Variants in PLA2G7 observed in about 807,000 individuals in gnomAD.
The protein encoded by PLA2G7 is platelet-activating factor acetylhydrolase.
In PLA2G7, 63 loss-of-function variants were observed where a neutral mutation model predicts 49.6. The observed-to-expected ratio is 1.27, with a 90% CI of 1.04 to 1.57. The LOEUF is 1.57. Ranked by LOEUF, PLA2G7 falls within the 40% of genes most tolerant of loss-of-function variation. PLA2G7 has a pLI of 0.00. For synonymous variants in PLA2G7, 193 were observed against 169.9 expected (o/e 1.14, Z -1.06); for missense variants, 596 against 521.2 (o/e 1.14, Z -1.40).
Position 46,704,474 on chromosome 6 carries a change from TCTCTCACA to T in PLA2G7, c.*78_*85del, listed in dbSNP as rs1420571755. On this transcript the variant is annotated 3_prime_UTR_variant, in exon 12 of 12. Transcript: ENST00000274793. ...CTCTCTCTCTCTCTCTCTCTCTCTC[TCTCTCACA>T]CACACACACACACACACACACACAC... 208 of 61,202 alleles carry T rather than the reference TCTCTCACA, an allele frequency of 3.4e-3. No homozygotes were observed. The East Asian group carries it at 0.053, about 15-fold the overall frequency. 3.8% of individuals were successfully genotyped at this position (61,202 alleles called of 1,614,324 possible). A position where few individuals can be genotyped will look rare whatever the true frequency, so the allele number is the denominator to read the frequency against.
chr6:46,711,522 C>A lies in PLA2G7; in HGVS notation c.637G>T (p.Glu213Ter), dbSNP rs1268429061. Residue 213 changes from glutamate (E) to a stop codon, truncating the protein, a stop_gained, in exon 7 of 12, where the codon GAG (glutamate) becomes TAG (stop). Coordinates refer to ENST00000274793, the MANE Select transcript of PLA2G7 (RefSeq NM_005084.4). LOFTEE classifies it high-confidence loss of function. The part of the protein sequence containing the change: ...WLYLRTLKQE[E>*]ETHIRNEQVR... Reference sequence around the variant, plus strand: ...TGCTCATTTCGTATATGTGTCTCCTCCTCTTGTTTCAGGGTTCTAAGGTAG... The same window carrying A: ...TGCTCATTTCGTATATGTGTCTCCTACTCTTGTTTCAGGGTTCTAAGGTAG... The A allele has an allele frequency of 1.2e-6, 2 of 1,613,790 alleles. No individual in the cohort carries two copies. The highest frequency in any genetic ancestry group is 1.7e-6 in the Non-Finnish European group (2 of 1,179,720).
In PLA2G7 at chr6:46,709,414, G is replaced by A. The variant is rs765151625; in HGVS notation, c.782C>T (p.Ser261Phe). 13 of 1,564,782 alleles carry A rather than the reference G, an allele frequency of 8.3e-6. No homozygotes were observed. The highest frequency in any genetic ancestry group is 9.7e-6 in the Non-Finnish European group (11 of 1,135,778). The change falls in exon 9 of 12, where the codon TCT becomes TTT. Residue 261 changes from serine to phenylalanine, a missense_variant. Transcript: ENST00000274793. ...LKFDMEQLKD[S>F]IDREKIAVIG... ...TACTGCTATTTTTTCCCTATCAATA[G>A]AGTCCTATTTGAAAAAGCATGATAT...
chr6:46,710,120 T>A (rs568448754), intron 8 of PLA2G7, among the ~76,000 whole-genome samples: 1 of 152,256 alleles, frequency 6.6e-6, no homozygotes, highest in East Asian at 1.9e-4. Flanking sequence ...TAGTTCCCCC[T>A]AATCCCTGCA....
intron 10 of PLA2G7, among the ~76,000 whole-genome samples, chr6:46,705,890 G>A (rs1483893970): frequency 6.6e-6 from 1 of 152,094 alleles, no homozygotes; most frequent in Non-Finnish European, 1.5e-5. Flanking sequence ...TGGGACATTT[G>A]ACACTTGATG....
rs1278665800 is a variant in PLA2G7 at position 46,708,947 on chromosome 6, G to A, written c.869+380C>T. Among the ~76,000 whole-genome samples, 7 of 151,992 alleles carry A rather than the reference G, an allele frequency of 4.6e-5. No homozygotes were observed. The East Asian group carries it at 1.4e-3, about 29-fold the overall frequency. On this transcript the variant is annotated intron_variant, in intron 9 of 11. Transcript: ENST00000274793. ...TCCAGCTCCATCTTAAAGGTGGAAGGGGGAAAAACCTAATTAAAAAATGTC... is the reference window on the plus strand; with the variant it reads ...TCCAGCTCCATCTTAAAGGTGGAAGAGGGAAAAACCTAATTAAAAAATGTC...
intron 8 of PLA2G7, among the ~76,000 whole-genome samples, chr6:46,709,862 G>T (rs190940389): frequency 6.6e-6 from 1 of 152,196 alleles, no homozygotes. Flanking sequence ...ACAGTACAGT[G>T]GTACAAAGGA....
chr6:46,709,896 C>T (rs572345055), intron 8 of PLA2G7, among the ~76,000 whole-genome samples: 17 of 152,210 alleles, frequency 1.1e-4, no homozygotes, highest in African/African-American at 4.1e-4. Flanking sequence ...ACAGCGAGCC[C>T]AGTCCAGAAG....
At chr6:46,729,611 A>G (rs1354444865) in intron 1 of PLA2G7, among the ~76,000 whole-genome samples, 1 of 152,196 alleles carries the variant, frequency 6.6e-6, no homozygotes, top group Non-Finnish European at 1.5e-5. Context: ...CAAGGATAGG[A>G]AGTAGCTAAA....
chr6:46,715,839 A>G (rs1222900265), intron 4 of PLA2G7, among the ~76,000 whole-genome samples: 1 of 152,212 alleles, frequency 6.6e-6, no homozygotes, highest in Non-Finnish European at 1.5e-5. Flanking sequence ...TCAAACAGAT[A>G]AGGAAGGAAA....
intron 1 of PLA2G7, among the ~76,000 whole-genome samples, chr6:46,727,388 T>C (rs1765607599): frequency 6.6e-6 from 1 of 152,196 alleles, no homozygotes; most frequent in Admixed American, 6.5e-5. Flanking sequence ...TGGCAAGAGA[T>C]TAGGGCAGGT....
chr6:46,720,535 G>A (rs1346847120), intron 2 of PLA2G7, among the ~76,000 whole-genome samples: 2 of 152,178 alleles, frequency 1.3e-5, no homozygotes, highest in Non-Finnish European at 2.9e-5. Flanking sequence ...CCTGGGGGTG[G>A]CTGTGGAACA....
intron 9 of PLA2G7, among the ~76,000 whole-genome samples, chr6:46,708,881 G>T (rs144877464): frequency 1.7e-3 from 264 of 152,076 alleles, no homozygotes; most frequent in African/African-American, 6.1e-3. Context: ...AGAAAACTGG[G>T]GTCTTGTCCC....
At position 46,705,176 on chromosome 6, in the gene PLA2G7, A is replaced by G. The variant is rs34159425; in HGVS notation, c.1166T>C (p.Leu389Ser). Reference sequence around the variant, plus strand: ...ACCTAAATGCTTTTGTAAGAATGCTAATGAAGCTTTGTTGCTAAGATCAAT... The same window carrying G: ...ACCTAAATGCTTTTGTAAGAATGCTGATGAAGCTTTGTTGCTAAGATCAAT... ...VAIDLSNKAS[L>S]AFLQKHLGLH... The change falls in exon 11 of 12, where the codon TTA becomes TCA. Residue 389 changes from leucine (L) to serine (S), a missense_variant. Leu to Ser is a moderately radical substitution (Grantham distance 145). Transcript: ENST00000274793. The G allele has an allele frequency of 6.7e-4, 1,081 of 1,609,212 alleles. 7 individuals carry two copies. In the African/African-American group the frequency reaches 0.013, roughly 19 times the overall value.
intron 1 of PLA2G7, among the ~76,000 whole-genome samples, chr6:46,731,252 A>G (rs549064451): frequency 6.6e-6 from 1 of 152,348 alleles, no homozygotes; most frequent in South Asian, 2.1e-4. Context: ...GTGATAAACG[A>G]GAGAAAATTC....
chr6:46,734,439 AGAGAGAGAGAG>A (rs1765838190), intron 1 of PLA2G7, among the ~76,000 whole-genome samples: 1 of 36,182 alleles, frequency 2.8e-5, no homozygotes, highest in East Asian at 5.4e-4. Context: ...AGAGAGAGAG[AGAGAGAGAGAG>A]AGAGAGAGAG....
intron 1 of PLA2G7, among the ~76,000 whole-genome samples, chr6:46,734,136 G>A (rs1002805650): frequency 6.6e-6 from 1 of 152,068 alleles, no homozygotes; most frequent in East Asian, 1.9e-4. Context: ...AGTGTTCTCT[G>A]TTTTCTGATT....
chr6:46,731,122 T>G (rs1054063915), intron 1 of PLA2G7, among the ~76,000 whole-genome samples: 1 of 152,164 alleles, frequency 6.6e-6, no homozygotes, highest in Admixed American at 6.5e-5. Flanking sequence ...CACATCAGAG[T>G]GAGTCAGGAA....
In PLA2G7 at chr6:46,714,443, A is replaced by G. The variant is rs202108607; in HGVS notation, c.470+17T>C. ...TTATTCCTGGAAGCCAAAATTGTTC[A>G]ACCTCTCAAACATTACCTGAATGCC... On this transcript the variant is annotated intron_variant, in intron 5 of 11. Transcript: ENST00000274793. The G allele has an allele frequency of 1.1e-5, 17 of 1,520,286 alleles. No individual in the cohort carries two copies. The highest frequency in any genetic ancestry group is 1.5e-5 in the Non-Finnish European group (16 of 1,094,552). 94.2% of individuals were successfully genotyped at this position (1,520,286 alleles called of 1,614,324 possible).
intron 10 of PLA2G7, among the ~76,000 whole-genome samples, chr6:46,707,098 A>T (rs1334933489): frequency 6.6e-6 from 1 of 152,128 alleles, no homozygotes; most frequent in Non-Finnish European, 1.5e-5. Flanking sequence ...CCTTATCAGG[A>T]GTTCTTTTTC....
Sources: gnomAD v4.1 joint callset for allele counts (sites outside exome capture counted in the v4.1 genomes callset) on GRCh38, gnomAD v4.1.1 for gene constraint, MANE v1.5 for transcripts, NCBI Gene and HGNC (gene_info 2026-07-23, HGNC 2026-07-21) for gene names.